The following COX7B2 variants were observed in gnomAD, a reference collection of about 807,000 sequenced individuals.
COX7B2 encodes the protein cytochrome c oxidase subunit 7B2, also known as cytochrome c oxidase subunit 7B2, mitochondrial.
For synonymous variants in COX7B2, 37 were observed against 32.1 expected, an observed-to-expected ratio of 1.15 and a Z score of -0.51; for missense variants, 109 against 95.9, an observed-to-expected ratio of 1.14 and a Z score of -0.57.
chr4:46,908,800 G>C (rs1720563858), intron 1 of COX7B2, among the ~76,000 whole-genome samples: 1 of 150,000 alleles, frequency 6.7e-6, no homozygotes, highest in Non-Finnish European at 1.5e-5. Context: ...CCAACACTTT[G>C]GGAGGCCGAG....
rs147433819 is a variant in COX7B2 at position 46,879,005 on chromosome 4, C to T, written c.-105+30155G>A. Among the ~76,000 whole-genome samples the T allele has an allele frequency of 7.2e-5, 11 of 152,302 alleles. No homozygotes were observed. In the East Asian group the frequency reaches 1.9e-3, roughly 27 times the overall value. Reference sequence around the variant, plus strand: ...CTCAAAGATGATTGTAGGTAAACAACATATAGGTCACTTGACACTTTTCTG... The same window carrying T: ...CTCAAAGATGATTGTAGGTAAACAATATATAGGTCACTTGACACTTTTCTG... On this transcript the variant is annotated intron_variant, in intron 1 of 2. Coordinates refer to ENST00000355591, the MANE Select transcript of COX7B2 (RefSeq NM_130902.3).
chr4:46,826,804 A>G (rs1453790980), intron 2 of COX7B2, among the ~76,000 whole-genome samples: 3 of 152,150 alleles, frequency 2.0e-5, no homozygotes, highest in East Asian at 3.8e-4. Context: ...AGTGGAAGTT[A>G]AATGACAAGA....
rs567607330 is a variant in COX7B2, at chr4:46,804,300, G to C, written c.-50+40660C>G. On this transcript the variant is annotated intron_variant, in intron 2 of 2. Transcript: ENST00000355591. The stretch of plus-strand genomic sequence containing the variant: ...AGAGCGAAAGAACGAAGCTTCCACG[G>C]TACGGAAAGGGACCCTACCAGGTTG... Among the ~76,000 whole-genome samples, 20 of 152,292 alleles carry C rather than the reference G, an allele frequency of 1.3e-4. No homozygotes were observed. In the South Asian group the frequency reaches 4.1e-3, roughly 32 times the overall value.
At chr4:46,801,594 T>C (rs937325060) in intron 2 of COX7B2, among the ~76,000 whole-genome samples, 3 of 152,156 alleles carry the variant, frequency 2.0e-5, no homozygotes, top group East Asian at 1.9e-4. Flanking sequence ...AGGGTGAGGA[T>C]TGAAAAATTA....
intron 2 of COX7B2, among the ~76,000 whole-genome samples, chr4:46,814,887 A>C (rs913450400): frequency 2.6e-5 from 4 of 152,202 alleles, no homozygotes; most frequent in African/African-American, 9.6e-5. Context: ...ATGTGGTTTA[A>C]GAAAATGTCA....
At position 46,766,706 on chromosome 4, in the gene COX7B2, GAAAA is replaced by G. The variant is rs57884969; in HGVS notation, c.-49-31469_-49-31466del. Among the ~76,000 whole-genome samples, 3 of 96,588 alleles carry G rather than the reference GAAAA, an allele frequency of 3.1e-5. No homozygotes were observed. In the East Asian group the frequency reaches 7.8e-4, roughly 25 times the overall value. 63.4% of individuals were successfully genotyped at this position (96,588 alleles called of 152,430 possible). ...ACAAAGAGAGACTCCGTCTCGAAAA[GAAAA>G]AAAAAAAAAAAAAGAGTCAGGGGAA... On this transcript the variant is annotated intron_variant, in intron 2 of 2. Coordinates refer to ENST00000355591, the MANE Select transcript of COX7B2 (RefSeq NM_130902.3).
At chr4:46,823,754 T>A (rs1714469998) in intron 2 of COX7B2, among the ~76,000 whole-genome samples, 1 of 150,644 alleles carries the variant, frequency 6.6e-6, no homozygotes, top group South Asian at 2.1e-4. Context: ...TATGTAAAGA[T>A]TAGAGTGGAA....
intron 2 of COX7B2, among the ~76,000 whole-genome samples, chr4:46,739,774 C>T (rs2109395035): frequency 6.6e-6 from 1 of 151,998 alleles, no homozygotes; most frequent in East Asian, 1.9e-4. Context: ...ATCTGGTGAG[C>T]TCGGTAACAC....
At chr4:46,749,913 G>A (rs1715248687) in intron 2 of COX7B2, among the ~76,000 whole-genome samples, 1 of 152,062 alleles carries the variant, frequency 6.6e-6, no homozygotes, top group Non-Finnish European at 1.5e-5. Flanking sequence ...TCTATTATCT[G>A]ATTCAACTAC....
At chr4:46,768,339 C>T (rs1458064813) in intron 2 of COX7B2, among the ~76,000 whole-genome samples, 2 of 146,568 alleles carry the variant, frequency 1.4e-5, no homozygotes, top group African/African-American at 5.0e-5. Context: ...TCCACTCCAA[C>T]CATAGTCTCC....
intron 2 of COX7B2, among the ~76,000 whole-genome samples, chr4:46,742,293 T>C (rs1055405435): frequency 4.6e-5 from 7 of 152,148 alleles, no homozygotes; most frequent in African/African-American, 1.7e-4. Context: ...ACTCTTCTTT[T>C]TACAGCTTCA....
chr4:46,757,257 A>G (rs979331399), intron 2 of COX7B2, among the ~76,000 whole-genome samples: 3 of 143,698 alleles, frequency 2.1e-5, no homozygotes, highest in South Asian at 2.5e-4. Flanking sequence ...GAGCTCAACA[A>G]TATGTACACA....
chr4:46,763,715 A>G (rs1339779320), intron 2 of COX7B2, among the ~76,000 whole-genome samples: 1 of 152,196 alleles, frequency 6.6e-6, no homozygotes, highest in Non-Finnish European at 1.5e-5. Flanking sequence ...TGGAAAAAAC[A>G]AGGTTTTGAT....
At chr4:46,835,014 C>T (rs77302084) in intron 2 of COX7B2, among the ~76,000 whole-genome samples, 1 of 152,032 alleles carries the variant, frequency 6.6e-6, no homozygotes, top group Non-Finnish European at 1.5e-5. Flanking sequence ...ATGAGTAATT[C>T]TTAAACAAGA....
chr4:46,905,368 A>C (rs1295972941), intron 1 of COX7B2, among the ~76,000 whole-genome samples: 1 of 152,174 alleles, frequency 6.6e-6, no homozygotes, highest in African/African-American at 2.4e-5. Context: ...CAAACCCTAA[A>C]AGAGTTATCC....
Position 46,846,154 on chromosome 4 carries a change from G to A in COX7B2, c.-104-1140C>T, listed in dbSNP as rs76913822. On this transcript the variant is annotated intron_variant, in intron 1 of 2. Coordinates refer to ENST00000355591, the MANE Select transcript of COX7B2 (RefSeq NM_130902.3). ...TCCAGGATTAATTGAAGATGCTGCA[G>A]ATACCAAGGTGAGAACAAGACTAAC... Among the ~76,000 whole-genome samples, 922 of 152,164 alleles carry A rather than the reference G, an allele frequency of 6.1e-3. 4 individuals carry two copies. The highest frequency in any genetic ancestry group is 0.021 in the African/African-American group (866 of 41,540).
chr4:46,870,511 T>A (rs1171329162), intron 1 of COX7B2, among the ~76,000 whole-genome samples: 1 of 152,010 alleles, frequency 6.6e-6, no homozygotes, highest in Non-Finnish European at 1.5e-5. Context: ...AGAAAGAAAG[T>A]GCATCCAAAT....
chr4:46,801,578 G>C (rs765522653), intron 2 of COX7B2, among the ~76,000 whole-genome samples: 1 of 152,150 alleles, frequency 6.6e-6, no homozygotes, highest in Non-Finnish European at 1.5e-5. Flanking sequence ...GGGAGAGAGT[G>C]AGAGTAGGGT....
chr4:46,833,138 C>A (rs930591228), intron 2 of COX7B2, among the ~76,000 whole-genome samples: 1 of 152,194 alleles, frequency 6.6e-6, no homozygotes, highest in African/African-American at 2.4e-5. Flanking sequence ...CTCCCAACCT[C>A]AGGTGATCCA....
Sources: gnomAD v4.1 joint callset for allele counts (sites outside exome capture counted in the v4.1 genomes callset) on GRCh38, gnomAD v4.1.1 for gene constraint, MANE v1.5 for transcripts, NCBI Gene and HGNC (gene_info 2026-07-23, HGNC 2026-07-21) for gene names.